Variants in MACROD2 observed in about 807,000 individuals in gnomAD.
MACROD2 encodes ADP-ribose glycohydrolase MACROD2.
In MACROD2, 36 loss-of-function variants were observed where a neutral mutation model predicts 70.4. That is an observed-to-expected ratio of 0.51 (90% CI 0.39 to 0.68). MACROD2 has a LOEUF of 0.68. MACROD2 is among the 30% of genes least tolerant of loss of function. MACROD2 has a pLI of 0.00. For missense variants in MACROD2, 496 were observed against 538.4 expected, an observed-to-expected ratio of 0.92 and a Z score of 0.78; for synonymous variants, 172 against 178.8, an observed-to-expected ratio of 0.96 and a Z score of 0.30.
chr20:15,978,275 C>T (rs1230150818), intron 13 of MACROD2, among the ~76,000 whole-genome samples: 3 of 152,078 alleles, frequency 2.0e-5, no homozygotes, highest in Non-Finnish European at 2.9e-5. Flanking sequence ...ACCCTTACTC[C>T]GAATATTCTG....
chr20:14,575,496 C>T (rs575335039), intron 4 of MACROD2, among the ~76,000 whole-genome samples: 52 of 152,220 alleles, frequency 3.4e-4, no homozygotes, highest in Non-Finnish European at 6.9e-4. Flanking sequence ...CTTGTGGGCT[C>T]CCTGAAATAG....
At chr20:14,846,823 T>C (rs1244601894) in intron 5 of MACROD2, among the ~76,000 whole-genome samples, 6 of 150,960 alleles carry the variant, frequency 4.0e-5, no homozygotes, top group Non-Finnish European at 6.0e-5. Context: ...GGCCTTAATA[T>C]GTAATTTTTA....
chr20:14,065,207 T>A (rs2053741571), intron 2 of MACROD2, among the ~76,000 whole-genome samples: 1 of 152,190 alleles, frequency 6.6e-6, no homozygotes, highest in Admixed American at 6.5e-5. Context: ...ATTCTTTGTG[T>A]GTGGACATCT....
intron 2 of MACROD2, among the ~76,000 whole-genome samples, chr20:14,076,855 A>G (rs907180025): frequency 7.9e-5 from 12 of 152,200 alleles, no homozygotes; most frequent in Non-Finnish European, 1.8e-4. Flanking sequence ...TATGTCTACT[A>G]GATATTTAAG....
intron 13 of MACROD2, among the ~76,000 whole-genome samples, chr20:15,979,406 C>T (rs973110936): frequency 3.3e-5 from 5 of 152,128 alleles, no homozygotes; most frequent in Non-Finnish European, 7.4e-5. Context: ...CATGAACAGG[C>T]CTGTGTCAAT....
At chr20:15,871,287 A>C (rs908720824) in intron 9 of MACROD2, among the ~76,000 whole-genome samples, 18 of 152,150 alleles carry the variant, frequency 1.2e-4, no homozygotes, top group African/African-American at 4.1e-4. Flanking sequence ...GCAGTATTTA[A>C]ATTTTTTCCT....
At chr20:15,390,286 G>A (rs2045775018) in intron 6 of MACROD2, among the ~76,000 whole-genome samples, 1 of 152,072 alleles carries the variant, frequency 6.6e-6, no homozygotes, top group South Asian at 2.1e-4. Context: ...GCTTATCAAT[G>A]GGATGTTCTC....
chr20:14,847,619 T>G (rs2073157697), intron 5 of MACROD2, among the ~76,000 whole-genome samples: 1 of 150,396 alleles, frequency 6.6e-6, no homozygotes, highest in South Asian at 2.1e-4. Flanking sequence ...TTAGCATTTC[T>G]TGGTAAGATG....
intron 3 of MACROD2, among the ~76,000 whole-genome samples, chr20:14,112,596 G>T: frequency 6.6e-6 from 1 of 151,764 alleles, no homozygotes; most frequent in Non-Finnish European, 1.5e-5. Context: ...TACATATACA[G>T]GTCAACTTAA....
intron 8 of MACROD2, among the ~76,000 whole-genome samples, chr20:15,594,095 T>A (rs1384601819): frequency 6.6e-6 from 1 of 152,190 alleles, no homozygotes; most frequent in African/African-American, 2.4e-5. Flanking sequence ...TTTGGAATAA[T>A]CAAGAGTGTG....
At chr20:15,451,393 G>A (rs1457929783) in intron 7 of MACROD2, among the ~76,000 whole-genome samples, 2 of 116,980 alleles carry the variant, frequency 1.7e-5, no homozygotes, top group Non-Finnish European at 3.4e-5. Context: ...AGACACATGA[G>A]CAAATCTCCT....
At chr20:14,096,587 T>C (rs1458467666) in intron 3 of MACROD2, among the ~76,000 whole-genome samples, 2 of 152,104 alleles carry the variant, frequency 1.3e-5, no homozygotes, top group African/African-American at 4.8e-5. Context: ...CAAACTGGTC[T>C]CAAACTCCTG....
intron 3 of MACROD2, among the ~76,000 whole-genome samples, chr20:14,479,196 T>C (rs2084633342): frequency 6.6e-6 from 1 of 152,042 alleles, no homozygotes; most frequent in African/African-American, 2.4e-5. Context: ...TGGGTGCTTG[T>C]GGTAAGATTC....
At position 14,002,868 on chromosome 20, in the gene MACROD2, G is replaced by C. The variant is rs574362977; in HGVS notation, c.163+464G>C. On this transcript the variant is annotated intron_variant, in intron 2 of 17. Transcript: ENST00000684519. ...TTTTAGAGAATATATTTTGTATGAT[G>C]TGTTATTATGTCTGTATGTAAAGTA... is the stretch of plus-strand genomic sequence containing the variant. 2.0e-5 allele frequency among the ~76,000 whole-genome samples: 3 copies of C among 152,212 alleles called. 1 individual carries two copies. The South Asian group carries it at 6.2e-4, about 32-fold the overall frequency.
At chr20:15,882,323 A>G (rs781070306) in intron 9 of MACROD2, among the ~76,000 whole-genome samples, 1 of 152,106 alleles carries the variant, frequency 6.6e-6, no homozygotes, top group Non-Finnish European at 1.5e-5. Flanking sequence ...TTGAGGAGCA[A>G]TAAATAATTA....
chr20:15,584,906 G>C (rs1261176614), intron 8 of MACROD2, among the ~76,000 whole-genome samples: 3 of 152,150 alleles, frequency 2.0e-5, no homozygotes, highest in Non-Finnish European at 4.4e-5. Context: ...AACCTTCATA[G>C]TCCTCTAGCT....
chr20:14,063,667 C>T (rs1422684003), intron 2 of MACROD2, among the ~76,000 whole-genome samples: 1 of 152,104 alleles, frequency 6.6e-6, no homozygotes. Context: ...GGTTGCATCC[C>T]CAAGATTATG....
At chr20:16,020,790 A>G (rs780310593) in intron 15 of MACROD2, among the ~76,000 whole-genome samples, 7 of 152,050 alleles carry the variant, frequency 4.6e-5, no homozygotes, top group Non-Finnish European at 8.8e-5. Flanking sequence ...ATCCATCCCC[A>G]TGGACAGAAA....
chr20:14,773,369 A>G (rs1444102805), intron 5 of MACROD2, among the ~76,000 whole-genome samples: 1 of 151,942 alleles, frequency 6.6e-6, no homozygotes, highest in Non-Finnish European at 1.5e-5. Flanking sequence ...TTTGACCAAC[A>G]TCTCATTTCC....
Sources: allele counts gnomAD v4.1 joint callset (sites outside exome capture counted in the v4.1 genomes callset), GRCh38; gene constraint gnomAD v4.1.1; transcripts MANE v1.5; gene names NCBI Gene and HGNC (gene_info 2026-07-23, HGNC 2026-07-21).